DNAJC5: variants seen among roughly 807,000 people sequenced by gnomAD.
DNAJC5 encodes the protein DnaJ heat shock protein family (Hsp40) member C5.
In DNAJC5, 1 loss-of-function variant was observed where a neutral mutation model predicts 23.2. The ratio of observed to expected loss-of-function variants is 0.04; its 90% CI spans 0.02 to 0.20. The LOEUF is 0.20. Among genes scored for constraint, DNAJC5 ranks in the 10% least tolerant of loss-of-function variants. The pLI, the probability that DNAJC5 is intolerant of heterozygous loss-of-function variation, is 1.00. For missense variants in DNAJC5, 180 were observed against 267.0 expected (o/e 0.67, Z 2.27); for synonymous variants, 136 against 120.0 (o/e 1.13, Z -0.87).
chr20:63,928,256 A>T lies in DNAJC5; in HGVS notation c.-11-79A>T. The T allele has an allele frequency of 8.4e-7, 1 of 1,194,378 alleles. No homozygotes were observed. 74.0% of individuals were successfully genotyped at this position (1,194,378 alleles called of 1,614,324 possible). ...GGATTCTTTTGCTTTGAACGGTCTT[A>T]TGGAATAAAGTCCATCAGCTCTGCC... On this transcript the variant is annotated intron_variant, in intron 1 of 4. Coordinates refer to ENST00000360864, the MANE Select transcript of DNAJC5 (RefSeq NM_025219.3). This position sits in a 1 kb window ranked among gnomAD's most constrained non-coding sequence, Gnocchi z 4.6.
At position 63,928,204 on chromosome 20, in the gene DNAJC5, A is replaced by C. The variant is rs184550698; in HGVS notation, c.-11-131A>C. On this transcript the variant is annotated intron_variant, in intron 1 of 4. Transcript: ENST00000360864. This position sits in a 1 kb window ranked among gnomAD's most constrained non-coding sequence, Gnocchi z 4.6. Reference sequence around the variant, plus strand: ...TCCATGCCATGGCGTCTGTCTGTGCACGTGGCAAACTCCACAAGGCAGTGT... The same window carrying C: ...TCCATGCCATGGCGTCTGTCTGTGCCCGTGGCAAACTCCACAAGGCAGTGT... 16 of 733,474 alleles carry C rather than the reference A, an allele frequency of 2.2e-5. No individual in the cohort carries two copies. The highest frequency in any genetic ancestry group is 3.8e-5 in the Non-Finnish European group (16 of 419,128). 45.4% of individuals were successfully genotyped at this position (733,474 alleles called of 1,614,324 possible). A position where few individuals can be genotyped will look rare whatever the true frequency, so the allele number is the denominator to read the frequency against.
intron 1 of DNAJC5, among the ~76,000 whole-genome samples, chr20:63,901,661 G>A (rs1424620749): frequency 6.6e-6 from 1 of 152,264 alleles, no homozygotes; most frequent in African/African-American, 2.4e-5. Context: ...TGTGTGGAGT[G>A]TGCGGCCCTG....
chr20:63,910,564 C>T (rs112370660), intron 1 of DNAJC5, among the ~76,000 whole-genome samples: 1,858 of 151,962 alleles, frequency 0.012, 22 homozygotes, highest in Non-Finnish European at 0.018. Context: ...GTGATGTGCG[C>T]TTGGGACTGG....
In DNAJC5 at chr20:63,928,856, A is replaced by C. The variant is rs1256747104; in HGVS notation, c.107+404A>C. Among the ~76,000 whole-genome samples the C allele has an allele frequency of 6.6e-6, 1 of 152,190 alleles. No homozygotes were observed. Among genetic ancestry groups the C allele is most frequent in the Non-Finnish European group, 1.5e-5 (1 of 68,038 alleles). ...CTTGAAGAACTGCACTCTTGGGTAC[A>C]GTTTCATTGAGTAACCTGTAAGAGA... On this transcript the variant is annotated intron_variant, in intron 2 of 4. Transcript: ENST00000360864. The surrounding 1 kb of genome is among the most constrained non-coding windows in gnomAD (Gnocchi z 4.6).
At position 63,928,546 on chromosome 20, in the gene DNAJC5, C is replaced by T. The variant is rs1006369506; in HGVS notation, c.107+94C>T. On this transcript the variant is annotated intron_variant, in intron 2 of 4. Coordinates refer to ENST00000360864, the MANE Select transcript of DNAJC5 (RefSeq NM_025219.3). The surrounding 1 kb of genome is among the most constrained non-coding windows in gnomAD (Gnocchi z 4.6). ...ATTTTACCAAGAACCATTGCACATA[C>T]TTTATCCTGGCCGACTCAGCGTTGA... 1.4e-4 allele frequency: 149 copies of T among 1,072,168 alleles called. No homozygotes were observed. The highest frequency in any genetic ancestry group is 2.0e-4 in the Non-Finnish European group (142 of 698,032). The allele number at this position is 1,072,168 out of a possible 1,614,324, so 66.4% of individuals were successfully genotyped here.
intron 1 of DNAJC5, among the ~76,000 whole-genome samples, chr20:63,903,264 C>T (rs529924793): frequency 7.9e-5 from 12 of 152,164 alleles, no homozygotes; most frequent in Admixed American, 7.9e-4. Flanking sequence ...TAGAATCACC[C>T]TAACCCTCAG....
At position 63,928,074 on chromosome 20, in the gene DNAJC5, C is replaced by A. The variant is rs1215986588; in HGVS notation, c.-11-261C>A. 6.6e-6 allele frequency among the ~76,000 whole-genome samples: 1 copy of A among 152,194 alleles called. No individual in the cohort carries two copies. Among genetic ancestry groups the A allele is most frequent in the Admixed American group, 6.5e-5 (1 of 15,272 alleles). On this transcript the variant is annotated intron_variant, in intron 1 of 4. Transcript: ENST00000360864. This position sits in a 1 kb window ranked among gnomAD's most constrained non-coding sequence, Gnocchi z 4.6. ...AAGCGGTCCTCCCGCCTCAGCCTCCCAAAATGCTGGGACTACAGGTGTGAG... is the reference window on the plus strand; with the variant it reads ...AAGCGGTCCTCCCGCCTCAGCCTCCAAAAATGCTGGGACTACAGGTGTGAG...
intron 1 of DNAJC5, among the ~76,000 whole-genome samples, chr20:63,899,403 C>T (rs1471341150): frequency 2.0e-5 from 3 of 150,648 alleles, no homozygotes; most frequent in Non-Finnish European, 4.4e-5. Context: ...CTCTCATCAC[C>T]CTTTGCATTA....
rs2146304650 is a variant in DNAJC5 at position 63,928,891 on chromosome 20, T to C, written c.108-421T>C. Among the ~76,000 whole-genome samples, 1 of 152,316 alleles carries C rather than the reference T, an allele frequency of 6.6e-6. No homozygotes were observed. The highest frequency in any genetic ancestry group is 3.4e-3 in the Middle Eastern group (1 of 294). On this transcript the variant is annotated intron_variant, in intron 2 of 4. Coordinates refer to ENST00000360864, the MANE Select transcript of DNAJC5 (RefSeq NM_025219.3). This position sits in a 1 kb window ranked among gnomAD's most constrained non-coding sequence, Gnocchi z 4.6. ...AGTAACCTGTAAGAGACACCATCAC[T>C]AATCCAGACAATTCAGATAGTCCTC... is the stretch of plus-strand genomic sequence containing the variant.
At chr20:63,909,302 TC>T (rs2053467084) in intron 1 of DNAJC5, among the ~76,000 whole-genome samples, 1 of 148,108 alleles carries the variant, frequency 6.8e-6, no homozygotes, top group Non-Finnish European at 1.5e-5. Context: ...GATCGATACA[TC>T]CTGGCTAACA....
intron 1 of DNAJC5, among the ~76,000 whole-genome samples, chr20:63,901,323 G>A (rs983631509): frequency 2.6e-5 from 4 of 152,200 alleles, no homozygotes; most frequent in Non-Finnish European, 4.4e-5. Context: ...GTCGGAAGAT[G>A]GAATCGACTT....
intron 1 of DNAJC5, among the ~76,000 whole-genome samples, chr20:63,919,127 AT>A (rs1203929410): frequency 6.6e-6 from 1 of 152,092 alleles, no homozygotes; most frequent in Non-Finnish European, 1.5e-5. Flanking sequence ...ATTTTATTTT[AT>A]TTTTTTACCC....
At chr20:63,924,494 T>A (rs2053596018) in intron 1 of DNAJC5, among the ~76,000 whole-genome samples, 1 of 152,162 alleles carries the variant, frequency 6.6e-6, no homozygotes, top group South Asian at 2.1e-4. Context: ...TCAGCCATCC[T>A]CTTATCTCAA....
intron 1 of DNAJC5, among the ~76,000 whole-genome samples, chr20:63,926,758 C>T (rs1338292795): frequency 2.0e-5 from 3 of 152,206 alleles, no homozygotes; most frequent in Non-Finnish European, 2.9e-5. Context: ...GGACGACACT[C>T]ACCTGCACAG....
At chr20:63,922,056 G>A (rs1014258706) in intron 1 of DNAJC5, among the ~76,000 whole-genome samples, 1 of 152,048 alleles carries the variant, frequency 6.6e-6, no homozygotes, top group African/African-American at 2.4e-5. Context: ...TGGAATTACA[G>A]GCGTGAGCCA....
In DNAJC5 at chr20:63,931,359, C is replaced by T; in HGVS notation, c.494-106C>T. ...GGTGGAGGTCAGCGAGTAGCCTCTC[C>T]CGGTGGAGAGTTTGTCCAGGTGCCC... On this transcript the variant is annotated intron_variant, in intron 4 of 4. Transcript: ENST00000360864. The surrounding 1 kb of genome is among the most constrained non-coding windows in gnomAD (Gnocchi z 9.6). The T allele has an allele frequency of 9.0e-7, 1 of 1,109,542 alleles. No individual in the cohort carries two copies. Among genetic ancestry groups the T allele is most frequent in the Non-Finnish European group, 1.3e-6 (1 of 759,894 alleles). The allele number at this position is 1,109,542 out of a possible 1,614,324, so 68.7% of individuals were successfully genotyped here.
At chr20:63,901,052 C>T (rs2053408134) in intron 1 of DNAJC5, among the ~76,000 whole-genome samples, 1 of 152,190 alleles carries the variant, frequency 6.6e-6, no homozygotes, top group African/African-American at 2.4e-5. Flanking sequence ...GCCGCTTCCA[C>T]CTCCCGGGTT....
intron 1 of DNAJC5, among the ~76,000 whole-genome samples, chr20:63,907,030 C>T (rs1034280140): frequency 1.3e-5 from 2 of 149,252 alleles, no homozygotes; most frequent in African/African-American, 4.9e-5. Context: ...TCAAGGCTGC[C>T]GTGAGGTGTG....
intron 1 of DNAJC5, among the ~76,000 whole-genome samples, chr20:63,896,498 C>T (rs1425485379): frequency 6.6e-6 from 1 of 152,190 alleles, no homozygotes; most frequent in African/African-American, 2.4e-5. Context: ...GTTAATGAGC[C>T]TGCAGCGTCT....
Sources: gnomAD v4.1 joint callset for allele counts (sites outside exome capture counted in the v4.1 genomes callset) on GRCh38, gnomAD v4.1.1 for gene constraint, Gnocchi (gnomAD v3.1) non-coding constraint, MANE v1.5 for transcripts, NCBI Gene and HGNC (gene_info 2026-07-23, HGNC 2026-07-21) for gene names.